Variants in PPP3CA observed in about 807,000 individuals in gnomAD.
The protein encoded by PPP3CA is protein phosphatase 3 catalytic subunit alpha.
In PPP3CA, 14 loss-of-function variants were observed where a neutral mutation model predicts 66.5. That is an observed-to-expected ratio of 0.21 (90% CI 0.14 to 0.33). The LOEUF (loss-of-function observed/expected upper bound fraction) is 0.33, where lower values mean the gene tolerates loss of function less well. PPP3CA is among the 10% of genes least tolerant of loss of function. The probability of loss-of-function intolerance (pLI) is 1.00; values close to 1 mark genes in which losing one functional copy is unlikely to be tolerated. For synonymous variants in PPP3CA, 232 were observed against 226.2 expected, an observed-to-expected ratio of 1.03 and a Z score of -0.23; for missense variants, 317 against 639.5, an observed-to-expected ratio of 0.50 and a Z score of 5.44.
intron 6 of PPP3CA, among the ~76,000 whole-genome samples, chr4:101,092,887 T>C (rs1000415040): frequency 6.6e-6 from 1 of 152,220 alleles, no homozygotes; most frequent in Non-Finnish European, 1.5e-5. Context: ...TCCAAGTCTT[T>C]GCTATTGTAA....
chr4:101,248,908 C>A (rs999356284), intron 1 of PPP3CA, among the ~76,000 whole-genome samples: 1 of 152,122 alleles, frequency 6.6e-6, no homozygotes, highest in South Asian at 2.1e-4. Context: ...CGCCTGTAAT[C>A]CCAACACTTT....
chr4:101,200,342 T>C (rs116781776), intron 1 of PPP3CA, among the ~76,000 whole-genome samples: 150 of 152,308 alleles, frequency 9.8e-4, no homozygotes, highest in African/African-American at 3.3e-3. Flanking sequence ...ATTGAATCAC[T>C]GGTGTGGAGA....
intron 1 of PPP3CA, among the ~76,000 whole-genome samples, chr4:101,238,711 C>A (rs1160990597): frequency 6.6e-6 from 1 of 151,992 alleles, no homozygotes; most frequent in Non-Finnish European, 1.5e-5. Flanking sequence ...AGGCCACAAG[C>A]TAGATCTTAA....
intron 1 of PPP3CA, among the ~76,000 whole-genome samples, chr4:101,232,544 A>T (rs1725996083): frequency 6.6e-6 from 1 of 151,758 alleles, no homozygotes; most frequent in East Asian, 1.9e-4. Context: ...CTTGAACCTG[A>T]CCACCTTTAG....
At chr4:101,259,679 T>C (rs528549709) in intron 1 of PPP3CA, among the ~76,000 whole-genome samples, 1 of 152,226 alleles carries the variant, frequency 6.6e-6, no homozygotes, top group Admixed American at 6.5e-5. Context: ...TCAGGAAAAT[T>C]TACAAATTCT....
At chr4:101,080,214 T>A (rs955110883) in intron 8 of PPP3CA, among the ~76,000 whole-genome samples, 1 of 152,204 alleles carries the variant, frequency 6.6e-6, no homozygotes, top group Non-Finnish European at 1.5e-5. Context: ...AAATTCTTTT[T>A]AAGAAGCATG....
chr4:101,185,070 G>A (rs1446834927), intron 2 of PPP3CA, among the ~76,000 whole-genome samples: 1 of 151,852 alleles, frequency 6.6e-6, no homozygotes, highest in African/African-American at 2.4e-5. Context: ...ATTTTACTTG[G>A]TCCTATGCTA....
chr4:101,338,640 A>G (rs1386365571), intron 1 of PPP3CA, among the ~76,000 whole-genome samples: 1 of 152,224 alleles, frequency 6.6e-6, no homozygotes, highest in Non-Finnish European at 1.5e-5. Context: ...TGTGAGAAGG[A>G]AGAGGCTCAA....
At chr4:101,282,377 T>A (rs1214481706) in intron 1 of PPP3CA, among the ~76,000 whole-genome samples, 1 of 152,192 alleles carries the variant, frequency 6.6e-6, no homozygotes, top group Non-Finnish European at 1.5e-5. Flanking sequence ...ACAATTCATG[T>A]TAGATACAGG....
At chr4:101,207,828 A>C (rs938198111) in intron 1 of PPP3CA, among the ~76,000 whole-genome samples, 1 of 135,842 alleles carries the variant, frequency 7.4e-6, no homozygotes, top group Non-Finnish European at 1.5e-5. Context: ...CCGTCTAAAC[A>C]AAAAAGAAAA....
At chr4:101,098,743 A>G (rs978833850) in intron 4 of PPP3CA, among the ~76,000 whole-genome samples, 10 of 152,020 alleles carry the variant, frequency 6.6e-5, no homozygotes, top group Admixed American at 5.2e-4. Flanking sequence ...AATTTTCATA[A>G]CGTTTTGTAT....
At chr4:101,029,044 C>G in intron 13 of PPP3CA, 122 bp downstream of exon 13, 1 of 884,700 alleles carries the variant, frequency 1.1e-6, no homozygotes, top group Non-Finnish European at 1.8e-6. Flanking sequence ...TTGGTTAATA[C>G]TGAGCCACAA....
chr4:101,050,229 G>C (rs1727950133), intron 10 of PPP3CA, among the ~76,000 whole-genome samples: 1 of 152,106 alleles, frequency 6.6e-6, no homozygotes, highest in Non-Finnish European at 1.5e-5. Context: ...AAGTAGAGCA[G>C]CTGAGGCAAA....
chr4:101,098,327 GC>G, intron 5 of PPP3CA, 39 bp downstream of exon 5: 1 of 1,548,988 alleles, frequency 6.5e-7, no homozygotes, highest in Non-Finnish European at 8.7e-7. Context: ...TATTACTGTA[GC>G]GCACAAAATG....
rs141788721 is a variant in PPP3CA, at chr4:101,120,517, T to C, written c.260-11439A>G. On this transcript the variant is annotated intron_variant, in intron 2 of 13. Coordinates refer to ENST00000394854, the MANE Select transcript of PPP3CA (RefSeq NM_000944.5). ...TATTGCCCATTTCCATCCATCACAT[T>C]ACTCAACAGAGGCAGTAGCATATAT... Among the ~76,000 whole-genome samples the C allele has an allele frequency of 2.8e-3, 415 of 148,626 alleles. 1 individual carries two copies. The highest frequency in any genetic ancestry group is 9.7e-3 in the African/African-American group (402 of 41,280).
chr4:101,341,629 G>A (rs1027806894), intron 1 of PPP3CA, among the ~76,000 whole-genome samples: 22 of 152,000 alleles, frequency 1.4e-4, no homozygotes, highest in African/African-American at 5.1e-4. Flanking sequence ...ATTATCCTTC[G>A]GTCCTCACAA....
At chr4:101,125,238 C>T (rs1318682525) in intron 2 of PPP3CA, among the ~76,000 whole-genome samples, 1 of 152,212 alleles carries the variant, frequency 6.6e-6, no homozygotes, top group Non-Finnish European at 1.5e-5. Flanking sequence ...ACAATATAAA[C>T]ACCGCCTTCA....
At chr4:101,204,181 A>G (rs1159263904) in intron 1 of PPP3CA, among the ~76,000 whole-genome samples, 2 of 151,716 alleles carry the variant, frequency 1.3e-5, no homozygotes, top group Non-Finnish European at 2.9e-5. Context: ...AATTTTTTTA[A>G]TTTTTTGTAG....
chr4:101,295,493 A>C (rs1276876592), intron 1 of PPP3CA, among the ~76,000 whole-genome samples: 1 of 152,182 alleles, frequency 6.6e-6, no homozygotes, highest in African/African-American at 2.4e-5. Context: ...GACTATGAAG[A>C]AATTCCAAAT....
Sources: gnomAD v4.1 joint callset for allele counts (sites outside exome capture counted in the v4.1 genomes callset) on GRCh38, gnomAD v4.1.1 for gene constraint, MANE v1.5 for transcripts, NCBI Gene and HGNC (gene_info 2026-07-23, HGNC 2026-07-21) for gene names.